ANXA13: variants seen among roughly 807,000 people sequenced by gnomAD.
ANXA13 encodes the protein annexin A13, also known as annexin XIII.
ANXA13 carries 36 observed loss-of-function variants against 46.6 expected under a neutral mutation model. That is an observed-to-expected ratio of 0.77 (90% CI 0.59 to 1.02). The LOEUF is 1.02. Ranked by LOEUF, ANXA13 falls within the 50% of genes least tolerant of loss-of-function variation. The probability of loss-of-function intolerance (pLI) is 0.00; values close to 1 mark genes in which losing one functional copy is unlikely to be tolerated. For missense variants in ANXA13, 417 were observed against 396.5 expected (o/e 1.05, Z -0.44); for synonymous variants, 163 against 152.9 (o/e 1.07, Z -0.49).
chr8:123,681,619 C>CTTT (rs5894670), intron 10 of ANXA13, among the ~76,000 whole-genome samples: 38 of 107,004 alleles, frequency 3.6e-4, no homozygotes, highest in African/African-American at 9.5e-4. Context: ...TCTTGAATTT[C>CTTT]TTTTTTTTTT....
intron 9 of ANXA13, among the ~76,000 whole-genome samples, 197 bp downstream of exon 9, chr8:123,688,674 A>C (rs989499225): frequency 6.6e-6 from 1 of 152,116 alleles, no homozygotes; most frequent in African/African-American, 2.4e-5. Context: ...TGGACATCTC[A>C]GCTTCCAAGC....
intron 2 of ANXA13, among the ~76,000 whole-genome samples, chr8:123,703,527 T>TA (rs1163544491): frequency 6.6e-6 from 1 of 152,218 alleles, no homozygotes; most frequent in Non-Finnish European, 1.5e-5. Context: ...TAAAATGTTT[T>TA]AAAAAACAAA....
At chr8:123,711,676 G>A (rs984863391) in intron 2 of ANXA13, 29 of 151,146 alleles carry the variant, frequency 1.9e-4, no homozygotes, top group Non-Finnish European at 3.8e-4. Context: ...GTGTAGTGGC[G>A]CAATCTCGGC....
At chr8:123,709,766 G>A (rs1813620031) in intron 2 of ANXA13, among the ~76,000 whole-genome samples, 1 of 152,132 alleles carries the variant, frequency 6.6e-6, no homozygotes, top group South Asian at 2.1e-4. Context: ...ATGTATGTGT[G>A]TATATATTTG....
At chr8:123,685,996 C>T (rs1161144680) in intron 9 of ANXA13, among the ~76,000 whole-genome samples, 1 of 152,164 alleles carries the variant, frequency 6.6e-6, no homozygotes, top group Non-Finnish European at 1.5e-5. Flanking sequence ...CTGAAGTCAC[C>T]GTGTTCCGCT....
chr8:123,693,341 A>G (rs372816238), intron 7 of ANXA13, 43 bp from the exon 8 acceptor site: 117 of 1,566,258 alleles, frequency 7.5e-5, no homozygotes, highest in Middle Eastern at 1.7e-4. Context: ...GCTTTTGTGA[A>G]AAGACTGATT....
intron 8 of ANXA13, 46 bp downstream of exon 8, chr8:123,693,151 G>C: frequency 6.5e-7 from 1 of 1,531,822 alleles, no homozygotes; most frequent in Non-Finnish European, 9.0e-7. Flanking sequence ...AATAACTTAA[G>C]ACACTTTCAG....
intron 2 of ANXA13, among the ~76,000 whole-genome samples, chr8:123,704,735 T>C (rs1257344840): frequency 1.3e-5 from 2 of 152,320 alleles, no homozygotes; most frequent in East Asian, 1.9e-4. Flanking sequence ...CCTTCCTAGA[T>C]GGCTTTGTAC....
intron 2 of ANXA13, among the ~76,000 whole-genome samples, chr8:123,706,288 A>T (rs114177906): frequency 6.6e-6 from 1 of 152,262 alleles, no homozygotes; most frequent in African/African-American, 2.4e-5. Flanking sequence ...TTCAAAAGGG[A>T]TTTCTTTTTC....
intron 2 of ANXA13, among the ~76,000 whole-genome samples, chr8:123,705,690 T>C (rs1262490564): frequency 1.3e-5 from 2 of 152,154 alleles, no homozygotes; most frequent in African/African-American, 4.8e-5. Flanking sequence ...ACCTAGATGA[T>C]GGCTGCCACC....
At chr8:123,706,756 T>G (rs2129881285) in intron 2 of ANXA13, among the ~76,000 whole-genome samples, 4 of 152,338 alleles carry the variant, frequency 2.6e-5, no homozygotes, top group Middle Eastern at 6.8e-3. Context: ...AGAATGAGGC[T>G]TCAACTCTGC....
intron 1 of ANXA13, among the ~76,000 whole-genome samples, chr8:123,721,308 T>C (rs570051142): frequency 1.6e-4 from 24 of 152,306 alleles, no homozygotes; most frequent in African/African-American, 4.6e-4. Flanking sequence ...AGGTTCTTCT[T>C]TGAGGTCACA....
chr8:123,700,568 G>A (rs773736592), intron 3 of ANXA13, among the ~76,000 whole-genome samples: 4 of 152,210 alleles, frequency 2.6e-5, no homozygotes, highest in African/African-American at 4.8e-5. Flanking sequence ...ATTGGCAAAT[G>A]AAGTATCACA....
In ANXA13 at chr8:123,702,985, C is replaced by T. The variant is rs148805762; in HGVS notation, c.92-249G>A. Among the ~76,000 whole-genome samples, 382 of 152,220 alleles carry T rather than the reference C, an allele frequency of 2.5e-3. 3 individuals carry two copies. The highest frequency in any genetic ancestry group is 7.7e-3 in the African/African-American group (319 of 41,534). On this transcript the variant is annotated intron_variant, in intron 2 of 10. Coordinates refer to ENST00000419625, the MANE Select transcript of ANXA13 (RefSeq NM_004306.4). ...CTAGGCATTGTGGTGGAAAGAGGAA[C>T]GAGTATGGCTGGTTCCTTAATTTTA... is the stretch of plus-strand genomic sequence containing the variant.
Position 123,713,886 on chromosome 8 carries a change from GT to G in ANXA13, c.16-1134del, listed in dbSNP as rs1813708459. ...TTTTTGTATTTTTAGTAGAGATGGG[GT>G]TTTGCCATGTTTCCCAGGCTGGTCT... On this transcript the variant is annotated intron_variant, in intron 1 of 10. Transcript: ENST00000419625. Among the ~76,000 whole-genome samples the G allele has an allele frequency of 3.3e-5, 5 of 152,100 alleles. No individual in the cohort carries two copies. In the South Asian group the frequency reaches 1.0e-3, roughly 32 times the overall value.
intron 1 of ANXA13, among the ~76,000 whole-genome samples, chr8:123,723,245 C>G (rs80116244): frequency 6.6e-6 from 1 of 152,154 alleles, no homozygotes; most frequent in Non-Finnish European, 1.5e-5. Context: ...CCTGAGTCCT[C>G]GGAGGACCAA....
intron 9 of ANXA13, among the ~76,000 whole-genome samples, chr8:123,687,184 A>G (rs1813155912): frequency 6.6e-6 from 1 of 152,172 alleles, no homozygotes; most frequent in Admixed American, 6.5e-5. Context: ...AGTAAATGTT[A>G]AATCATTGAA....
chr8:123,682,058 G>A (rs2129809808), intron 10 of ANXA13, among the ~76,000 whole-genome samples: 1 of 152,258 alleles, frequency 6.6e-6, no homozygotes, highest in South Asian at 2.1e-4. Flanking sequence ...AGCCTGAATT[G>A]GCCTGCAGGC....
At chr8:123,730,990 G>C (rs1814106638) in intron 1 of ANXA13, among the ~76,000 whole-genome samples, 2 of 152,160 alleles carry the variant, frequency 1.3e-5, no homozygotes, top group Non-Finnish European at 2.9e-5. Flanking sequence ...TTGAATGGTG[G>C]GAGTTCCCCA....
Sources: allele counts gnomAD v4.1 joint callset (sites outside exome capture counted in the v4.1 genomes callset), GRCh38; gene constraint gnomAD v4.1.1; transcripts MANE v1.5; gene names NCBI Gene and HGNC (gene_info 2026-07-23, HGNC 2026-07-21).